Variants in PRUNE2 observed in about 807,000 individuals in gnomAD.
PRUNE2 encodes the protein protein prune homolog 2.
Under a neutral mutation model 252.0 loss-of-function variants are expected in PRUNE2, and 164 were observed. The observed-to-expected ratio is 0.65, with a 90% CI of 0.57 to 0.74. The LOEUF is 0.74. Ranked by LOEUF, PRUNE2 falls within the 30% of genes least tolerant of loss-of-function variation. The probability of loss-of-function intolerance (pLI) is 0.00; values close to 1 mark genes in which losing one functional copy is unlikely to be tolerated. For missense variants in PRUNE2, 3,495 were observed against 3,711.0 expected, an observed-to-expected ratio of 0.94 and a Z score of 1.51; for synonymous variants, 1,292 against 1,350.2, an observed-to-expected ratio of 0.96 and a Z score of 0.94.
chr9:76,865,726 A>G (rs893660062), intron 1 of PRUNE2, among the ~76,000 whole-genome samples: 8 of 152,066 alleles, frequency 5.3e-5, no homozygotes, highest in Non-Finnish European at 7.4e-5. Flanking sequence ...CAAAAGTTAT[A>G]CTATAGGCTG....
chr9:76,888,767 A>G (rs980042688), intron 1 of PRUNE2, among the ~76,000 whole-genome samples: 1 of 151,978 alleles, frequency 6.6e-6, no homozygotes, highest in African/African-American at 2.4e-5. Context: ...CTCAGTCAGA[A>G]GCTCTGCACT....
intron 9 of PRUNE2, among the ~76,000 whole-genome samples, chr9:76,667,536 C>T (rs2040438019): frequency 1.3e-5 from 1 of 77,080 alleles, no homozygotes; most frequent in African/African-American, 4.0e-5. Flanking sequence ...AAAGGGTCCC[C>T]TTCCCCACAG....
In PRUNE2 at chr9:76,703,654, A is replaced by AGG. The variant is rs1485697412; in HGVS notation, c.7957_7958dup (p.Gly2654LeufsTer28). ...GCTCCACAGTCTTGCCAGACCACCC[A>AGG]GGCCCTGAGTCCCTGGCATCCAGTG... On this transcript the variant is annotated frameshift_variant, in exon 9 of 19. Transcript: ENST00000376718. LOFTEE classifies it high-confidence loss of function. The AGG allele has an allele frequency of 6.2e-7, 1 of 1,612,652 alleles. No homozygotes were observed. Among genetic ancestry groups the AGG allele is most frequent in the Non-Finnish European group, 8.5e-7 (1 of 1,179,868 alleles).
Position 76,617,657 on chromosome 9 carries a change from G to A in PRUNE2, c.9236+1683C>T, listed in dbSNP as rs12340604. Among the ~76,000 whole-genome samples the A allele has an allele frequency of 4.6e-3, 695 of 152,286 alleles. 7 individuals carry two copies. The highest frequency in any genetic ancestry group is 0.016 in the African/African-American group (661 of 41,570). Reference sequence around the variant, plus strand: ...GAAGAATATGTTCTTCTAAAAAGTGGGAAGTAACAATAACAATTTGTAGTA... The same window carrying A: ...GAAGAATATGTTCTTCTAAAAAGTGAGAAGTAACAATAACAATTTGTAGTA... On this transcript the variant is annotated intron_variant, in intron 18 of 18. Coordinates refer to ENST00000376718, the MANE Select transcript of PRUNE2 (RefSeq NM_015225.3).
chr9:76,705,369 C>T lies in PRUNE2; in HGVS notation c.6905G>A (p.Ser2302Asn), dbSNP rs760068452. Residue 2302 changes from serine to asparagine, a missense_variant, in exon 8 of 19, where the codon AGT becomes AAT. Physicochemically the swap from Ser to Asn is conservative, Grantham distance 46. Coordinates refer to ENST00000376718, the MANE Select transcript of PRUNE2 (RefSeq NM_015225.3). Reference sequence around the variant, plus strand: ...GTTGAGACCTGAGGCATCGCTGAAACTGTGGTCAAAGGCAGCTTCGCTTAT... The same window carrying T: ...GTTGAGACCTGAGGCATCGCTGAAATTGTGGTCAAAGGCAGCTTCGCTTAT... ...LDISEAAFDH[S>N]FSDASGLNTS... The T allele has an allele frequency of 6.2e-7, 1 of 1,613,908 alleles. No homozygotes were observed.
intron 6 of PRUNE2, among the ~76,000 whole-genome samples, chr9:76,818,353 G>A (rs537270234): frequency 6.6e-5 from 10 of 152,138 alleles, no homozygotes; most frequent in Non-Finnish European, 1.2e-4. Context: ...CTGAGTAAAC[G>A]TTCCCTTTTG....
intron 6 of PRUNE2, 133 bp from the exon 7 acceptor site, chr9:76,713,854 G>C (rs962620222): frequency 1.8e-6 from 1 of 561,704 alleles, no homozygotes; most frequent in Non-Finnish European, 2.9e-6. Context: ...AATACAGTTT[G>C]CTTTGAGAAG....
At chr9:76,793,413 A>G (rs2055749555) in intron 6 of PRUNE2, among the ~76,000 whole-genome samples, 1 of 152,184 alleles carries the variant, frequency 6.6e-6, no homozygotes, top group African/African-American at 2.4e-5. Flanking sequence ...ACAGAATGAA[A>G]TCGATGTTAG....
rs375613897 is a variant in PRUNE2, at chr9:76,644,743, G to A, written c.8724C>T (p.His2908=). 62 of 1,613,242 alleles carry A rather than the reference G, an allele frequency of 3.8e-5. No homozygotes were observed. In the Middle Eastern group the frequency reaches 4.9e-4, roughly 13 times the overall value. ...ATTCATGCTGAGCTCGACTACCTCC[G>A]TGAGAAATGACTCTCCTGTAGGGCT... ...VIEPYRRVIS[H]GGYYGDGLNA... is the part of the protein sequence containing the mutation. The change falls in exon 12 of 19, where the codon CAC becomes CAT. Residue 2908 remains histidine (H), a synonymous_variant. Transcript: ENST00000376718.
At chr9:76,646,092 T>G (rs1844730586) in intron 11 of PRUNE2, among the ~76,000 whole-genome samples, 1 of 152,222 alleles carries the variant, frequency 6.6e-6, no homozygotes, top group Non-Finnish European at 1.5e-5. Context: ...GTACCTTGAA[T>G]GTGTGATTCT....
chr9:76,901,377 G>A (rs1421491949), intron 1 of PRUNE2, among the ~76,000 whole-genome samples: 1 of 152,180 alleles, frequency 6.6e-6, no homozygotes, highest in African/African-American at 2.4e-5. Context: ...CAATGGGGCA[G>A]GAGCTGATCC....
chr9:76,686,827 G>T lies in PRUNE2; in HGVS notation c.8276+16510C>A, dbSNP rs12000246. Among the ~76,000 whole-genome samples the T allele has an allele frequency of 4.3e-3, 648 of 152,244 alleles. 5 individuals carry two copies. Among genetic ancestry groups the T allele is most frequent in the African/African-American group, 0.015 (613 of 41,546 alleles). On this transcript the variant is annotated intron_variant, in intron 9 of 18. Transcript: ENST00000376718. ...TGCCTAGGCTGGTCTCAAACTCTTG[G>T]CCTCAGGAGATCCTCCCATCTTCGC...
At chr9:76,717,992 A>T (rs2047310409) in intron 6 of PRUNE2, among the ~76,000 whole-genome samples, 1 of 152,214 alleles carries the variant, frequency 6.6e-6, no homozygotes, top group Non-Finnish European at 1.5e-5. Flanking sequence ...TGGTCAAAAA[A>T]GCTAAGGTGT....
intron 6 of PRUNE2, among the ~76,000 whole-genome samples, chr9:76,774,238 C>G (rs1258766487): frequency 6.6e-6 from 1 of 151,962 alleles, no homozygotes; most frequent in Non-Finnish European, 1.5e-5. Flanking sequence ...TAGGCTCAAG[C>G]GATCCTCCCA....
At chr9:76,735,121 A>G (rs1045542908) in intron 6 of PRUNE2, among the ~76,000 whole-genome samples, 1 of 152,202 alleles carries the variant, frequency 6.6e-6, no homozygotes, top group African/African-American at 2.4e-5. Context: ...GCAAGCCCTG[A>G]TGGCACACTT....
intron 10 of PRUNE2, among the ~76,000 whole-genome samples, chr9:76,653,468 T>C (rs1338567094): frequency 6.6e-6 from 1 of 152,128 alleles, no homozygotes; most frequent in Non-Finnish European, 1.5e-5. Context: ...TGTTTAGAAA[T>C]AATGACCAGG....
intron 1 of PRUNE2, chr9:76,869,179 T>G (rs2061037614): frequency 6.6e-6 from 1 of 152,208 alleles, no homozygotes. Flanking sequence ...GCATTTGGAA[T>G]GGACGTCAGG....
chr9:76,848,877 G>A (rs2059803641), intron 3 of PRUNE2, among the ~76,000 whole-genome samples: 3 of 152,140 alleles, frequency 2.0e-5, no homozygotes, highest in Non-Finnish European at 4.4e-5. Flanking sequence ...ATGGTTCTTT[G>A]TTTTTATTGT....
intron 6 of PRUNE2, among the ~76,000 whole-genome samples, chr9:76,805,705 A>G (rs2056888087): frequency 6.6e-6 from 1 of 152,348 alleles, no homozygotes. Context: ...AATTGTGTCC[A>G]CAGCTGGCTA....
Sources: gnomAD v4.1 joint callset for allele counts (sites outside exome capture counted in the v4.1 genomes callset) on GRCh38, gnomAD v4.1.1 for gene constraint, MANE v1.5 for transcripts, NCBI Gene and HGNC (gene_info 2026-07-23, HGNC 2026-07-21) for gene names.